DENND2A: variants seen among roughly 807,000 people sequenced by gnomAD.
DENND2A encodes the protein DENN domain-containing protein 2A.
In DENND2A, 53 loss-of-function variants were observed where a neutral mutation model predicts 105.3. The ratio of observed to expected loss-of-function variants is 0.50; its 90% CI spans 0.40 to 0.63. The LOEUF is 0.63. DENND2A is among the 30% of genes least tolerant of loss of function. The pLI is 0.00. For missense variants in DENND2A, 1,138 were observed against 1,279.6 expected, an observed-to-expected ratio of 0.89 and a Z score of 1.69; for synonymous variants, 522 against 508.4, an observed-to-expected ratio of 1.03 and a Z score of -0.36.
chr7:140,632,023 C>A (rs269262), intron 1 of DENND2A, among the ~76,000 whole-genome samples: 3,127 of 152,168 alleles, frequency 0.021, 110 homozygotes, highest in African/African-American at 0.071. Flanking sequence ...AGCTTCTCCC[C>A]CAACCAAGTT....
intron 1 of DENND2A, among the ~76,000 whole-genome samples, chr7:140,629,569 T>A (rs1299967962): frequency 1.3e-5 from 2 of 152,180 alleles, no homozygotes; most frequent in Admixed American, 1.3e-4. Flanking sequence ...GAAGGTTTGC[T>A]AACCCAGGGA....
At chr7:140,537,010 C>G (rs1200571238) in intron 14 of DENND2A, among the ~76,000 whole-genome samples, 2 of 152,182 alleles carry the variant, frequency 1.3e-5, no homozygotes, top group Non-Finnish European at 2.9e-5. Context: ...GTACTTATCT[C>G]TAAGACTCTG....
In DENND2A at chr7:140,543,285, A is replaced by ATT. The variant is rs36113743; in HGVS notation, c.2327+1331_2327+1332dup. ...AGGCTCGAGCCACCATACCTGGCTAATTTTTTTTTTTTTTTTTTTTACGTT... is the reference window on the plus strand; with the variant it reads ...AGGCTCGAGCCACCATACCTGGCTAATTTTTTTTTTTTTTTTTTTTTTACGTT... On this transcript the variant is annotated intron_variant, in intron 14 of 19. Coordinates refer to ENST00000496613, the MANE Select transcript of DENND2A (RefSeq NM_015689.5). Among the ~76,000 whole-genome samples the ATT allele has an allele frequency of 2.4e-3, 310 of 128,296 alleles. 4 individuals are homozygous for ATT. Among genetic ancestry groups the ATT allele is most frequent in the African/African-American group, 5.4e-3 (184 of 34,086 alleles). The allele number at this position is 128,296 out of a possible 152,430, so 84.2% of individuals were successfully genotyped here.
chr7:140,626,248 C>T (rs974299901), intron 1 of DENND2A, among the ~76,000 whole-genome samples: 1 of 152,200 alleles, frequency 6.6e-6, no homozygotes, highest in East Asian at 1.9e-4. Context: ...TCCCCTTCTC[C>T]GTCCCCTGCA....
intron 7 of DENND2A, among the ~76,000 whole-genome samples, 182 bp from the exon 8 acceptor site, chr7:140,568,995 G>A (rs1797982088): frequency 6.6e-6 from 1 of 152,010 alleles, no homozygotes; most frequent in Non-Finnish European, 1.5e-5. Context: ...CGCAATCTCG[G>A]CTCACTGCAA....
At chr7:140,528,790 T>A (rs1209073510) in intron 14 of DENND2A, among the ~76,000 whole-genome samples, 1 of 147,846 alleles carries the variant, frequency 6.8e-6, no homozygotes, top group East Asian at 2.0e-4. Flanking sequence ...GACTGAGGGT[T>A]AACCATTTTA....
At chr7:140,525,823 G>A in intron 15 of DENND2A, 31 bp from the exon 16 acceptor site, 1 of 1,580,266 alleles carries the variant, frequency 6.3e-7, no homozygotes. Context: ...GACTGTTACT[G>A]TCACCAGGGC....
At chr7:140,620,158 T>C (rs2130718593) in intron 1 of DENND2A, among the ~76,000 whole-genome samples, 1 of 151,888 alleles carries the variant, frequency 6.6e-6, no homozygotes, top group East Asian at 1.9e-4. Flanking sequence ...ATTGCGACAC[T>C]GCACTCCAGC....
intron 8 of DENND2A, among the ~76,000 whole-genome samples, 162 bp downstream of exon 8, chr7:140,568,601 C>T (rs1020210776): frequency 2.1e-4 from 32 of 152,288 alleles, no homozygotes; most frequent in Middle Eastern, 3.4e-3. Context: ...CATGACGGAC[C>T]GGCTCTGGAG....
At chr7:140,587,968 C>G (rs972689070) in intron 3 of DENND2A, among the ~76,000 whole-genome samples, 188 bp from the exon 4 acceptor site, 1 of 152,144 alleles carries the variant, frequency 6.6e-6, no homozygotes, top group Non-Finnish European at 1.5e-5. Context: ...TGGAGGGCAG[C>G]GGCGCCATCT....
chr7:140,544,429 A>G, intron 14 of DENND2A, 189 bp downstream of exon 14: 1 of 710,310 alleles, frequency 1.4e-6, no homozygotes, highest in Non-Finnish European at 2.4e-6. Context: ...TCCTGGTCTC[A>G]AGTGATCCAC....
At chr7:140,619,578 C>A (rs944496762) in intron 1 of DENND2A, among the ~76,000 whole-genome samples, 11 of 152,034 alleles carry the variant, frequency 7.2e-5, no homozygotes, top group Admixed American at 6.6e-5. Context: ...CAGCTCACTG[C>A]AACCTCCGCC....
chr7:140,630,657 C>T (rs1800704632), intron 1 of DENND2A, among the ~76,000 whole-genome samples: 1 of 151,912 alleles, frequency 6.6e-6, no homozygotes, highest in African/African-American at 2.4e-5. Context: ...CCAAACTGAC[C>T]AACACGGTGA....
intron 6 of DENND2A, among the ~76,000 whole-genome samples, chr7:140,570,827 G>A (rs757469139): frequency 2.3e-4 from 35 of 152,308 alleles, no homozygotes; most frequent in Middle Eastern, 3.4e-3. Flanking sequence ...CTGCTTCCAT[G>A]GAAAATGTTT....
chr7:140,541,940 T>G (rs370044858), intron 14 of DENND2A, among the ~76,000 whole-genome samples: 1 of 152,202 alleles, frequency 6.6e-6, no homozygotes, highest in Non-Finnish European at 1.5e-5. Flanking sequence ...TCCTGAGGAA[T>G]TCCACATCTA....
intron 6 of DENND2A, among the ~76,000 whole-genome samples, chr7:140,573,405 G>A (rs2130610800): frequency 6.6e-6 from 1 of 152,342 alleles, no homozygotes; most frequent in Middle Eastern, 3.4e-3. Context: ...AGCCACAAGA[G>A]GTATTGTTGA....
At chr7:140,586,366 A>AAC (rs10524571) in intron 4 of DENND2A, among the ~76,000 whole-genome samples, 9,958 of 139,464 alleles carry the variant, frequency 0.071, 350 homozygotes, top group Admixed American at 0.099. Flanking sequence ...TAAAAAAGAA[A>AAC]ACACACACAC....
intron 5 of DENND2A, among the ~76,000 whole-genome samples, chr7:140,574,588 G>A (rs2130613960): frequency 6.6e-6 from 1 of 152,284 alleles, no homozygotes; most frequent in Non-Finnish European, 1.5e-5. Flanking sequence ...GAGGCTTTCT[G>A]ACAACCCAAG....
In DENND2A at chr7:140,548,739, G is replaced by A. The variant is rs761652250; in HGVS notation, c.2038-1800C>T. Among the ~76,000 whole-genome samples the A allele has an allele frequency of 6.0e-4, 90 of 150,652 alleles. 1 individual carries two copies. Among genetic ancestry groups the A allele is most frequent in the Non-Finnish European group, 9.0e-4 (61 of 67,580 alleles). On this transcript the variant is annotated intron_variant, in intron 12 of 19. Coordinates refer to ENST00000496613, the MANE Select transcript of DENND2A (RefSeq NM_015689.5). The stretch of plus-strand genomic sequence containing the variant: ...AGCAATTCTCCTGCCTCAGCCTCCC[G>A]AGTAGCTGGGATTACAGGCATGCAC...
Sources: gnomAD v4.1 joint callset for allele counts (sites outside exome capture counted in the v4.1 genomes callset) on GRCh38, gnomAD v4.1.1 for gene constraint, MANE v1.5 for transcripts, NCBI Gene and HGNC (gene_info 2026-07-23, HGNC 2026-07-21) for gene names.